Variants in PDGFB observed in about 807,000 individuals in gnomAD.
PDGFB encodes the protein platelet-derived growth factor subunit B.
PDGFB carries 6 observed loss-of-function variants against 29.0 expected under a neutral mutation model. That is an observed-to-expected ratio of 0.21 (90% CI 0.11 to 0.41). PDGFB has a LOEUF of 0.41. Among genes scored for constraint, PDGFB ranks in the 10% least tolerant of loss-of-function variants. PDGFB has a pLI of 1.00. For missense variants in PDGFB, 299 were observed against 341.8 expected (o/e 0.87, Z 0.99); for synonymous variants, 144 against 140.8 (o/e 1.02, Z -0.16).
chr22:39,233,345 CG>C, intron 3 of PDGFB, 89 bp downstream of exon 3: 1 of 898,376 alleles, frequency 1.1e-6, no homozygotes, highest in Non-Finnish European at 1.7e-6. Flanking sequence ...AGAGGACCCT[CG>C]GGGCCCTCCG....
At position 39,244,411 on chromosome 22, in the gene PDGFB, G is replaced by C. The variant is rs1932644934; in HGVS notation, c.-448C>G. ...CTTAGCTTTTTTGCAACATTTTCTG[G>C]AAAGGCCCCCAAAATCGGAAAGCGC... On this transcript the variant is annotated 5_prime_UTR_variant, in exon 1 of 7. Transcript: ENST00000331163. This position sits in a 1 kb window ranked among gnomAD's most constrained non-coding sequence, Gnocchi z 4.5. 1 of 185,964 alleles carries C rather than the reference G, an allele frequency of 5.4e-6. No individual in the cohort carries two copies. The highest frequency in any genetic ancestry group is 6.2e-5 in the Admixed American group (1 of 16,084). The allele number at this position is 185,964 out of a possible 1,614,324, so 11.5% of individuals were successfully genotyped here. A position where few individuals can be genotyped will look rare whatever the true frequency, so the allele number is the denominator to read the frequency against.
chr22:39,225,507 T>C (rs1413553354), intron 6 of PDGFB, among the ~76,000 whole-genome samples, 188 bp downstream of exon 6: 3 of 152,012 alleles, frequency 2.0e-5, no homozygotes, highest in Non-Finnish European at 2.9e-5. Flanking sequence ...TAGGGCATGC[T>C]GGGACACAGC....
At chr22:39,236,019 TG>T in intron 1 of PDGFB, 145 bp from the exon 2 acceptor site, 2 of 634,240 alleles carry the variant, frequency 3.2e-6, no homozygotes, top group Non-Finnish European at 5.5e-6. Flanking sequence ...CCAGGCCTGA[TG>T]ATCAGGAGCA....
At chr22:39,230,302 G>C in intron 4 of PDGFB, 74 bp from the exon 5 acceptor site, 2 of 1,485,066 alleles carry the variant, frequency 1.3e-6, no homozygotes, top group East Asian at 2.3e-5. Context: ...AATGGCTTGC[G>C]CTTCCCACCC....
chr22:39,244,007 C>G lies in PDGFB; in HGVS notation c.-44G>C, dbSNP rs765594215. 2.1e-4 allele frequency: 260 copies of G among 1,265,434 alleles called. No individual in the cohort carries two copies. Among genetic ancestry groups the G allele is most frequent in the Non-Finnish European group, 2.7e-4 (251 of 934,166 alleles). 78.4% of individuals were successfully genotyped at this position (1,265,434 alleles called of 1,614,324 possible). ...CCCGCGGGGCCCCGGACGCGTAGAT[C>G]GAGCGCGCCGCCCCCGCGGCCAGGG... On this transcript the variant is annotated 5_prime_UTR_variant, in exon 1 of 7. Transcript: ENST00000331163. This position sits in a 1 kb window ranked among gnomAD's most constrained non-coding sequence, Gnocchi z 4.5.
Position 39,231,876 on chromosome 22 carries a change from C to G in PDGFB, c.251-49G>C, listed in dbSNP as rs1255186206. ...CAGGAGCGTAGGCCTGTCCAGAGTC[C>G]CCCCACTTGGCAGGGGAGCTCAGCG... On this transcript the variant is annotated intron_variant, in intron 3 of 6. Transcript: ENST00000331163. This position sits in a 1 kb window ranked among gnomAD's most constrained non-coding sequence, Gnocchi z 4.3. 6.5e-7 allele frequency: 1 copy of G among 1,533,744 alleles called. No homozygotes were observed. Among genetic ancestry groups the G allele is most frequent in the Non-Finnish European group, 8.9e-7 (1 of 1,125,026 alleles).
chr22:39,235,695 G>C, intron 2 of PDGFB, 83 bp downstream of exon 2: 1 of 950,898 alleles, frequency 1.1e-6, no homozygotes, highest in Non-Finnish European at 1.7e-6. Flanking sequence ...CGTCAAGAAG[G>C]AGGGATGCCT....
chr22:39,230,313 C>A (rs953612861), intron 4 of PDGFB, 85 bp from the exon 5 acceptor site: 2 of 1,376,990 alleles, frequency 1.5e-6, no homozygotes, highest in African/African-American at 2.8e-5. Context: ...CTTCCCACCC[C>A]GGTGTCCCCT....
At chr22:39,229,774 G>C (rs1601596512) in intron 5 of PDGFB, among the ~76,000 whole-genome samples, 1 of 152,166 alleles carries the variant, frequency 6.6e-6, no homozygotes, top group Non-Finnish European at 1.5e-5. Context: ...GTGTTCTTCA[G>C]CCACAGCAGT....
At chr22:39,237,734 G>A (rs1932479666) in intron 1 of PDGFB, among the ~76,000 whole-genome samples, 2 of 152,240 alleles carry the variant, frequency 1.3e-5, no homozygotes, top group South Asian at 4.1e-4. Flanking sequence ...GAACTGGCAG[G>A]CCAGAGAGCT....
intron 5 of PDGFB, among the ~76,000 whole-genome samples, chr22:39,228,893 A>AAAAAAAAAAAAAATAT (rs1184799325): frequency 2.0e-3 from 263 of 132,582 alleles, no homozygotes; most frequent in East Asian, 5.5e-3. Context: ...CCTCAAAAAA[A>AAAAAAAAAAAAAATAT]ATATATATAT....
At chr22:39,240,897 T>A (rs1932552674) in intron 1 of PDGFB, 1 of 1,421,772 alleles carries the variant, frequency 7.0e-7, no homozygotes. Flanking sequence ...TCAGTCAGTC[T>A]CTCTCTCTCT....
In PDGFB at chr22:39,244,732, G is replaced by GGCTGCGA. The variant is rs71326753; in HGVS notation, c.-776_-770dup. On this transcript the variant is annotated 5_prime_UTR_variant, in exon 1 of 7. Coordinates refer to ENST00000331163, the MANE Select transcript of PDGFB (RefSeq NM_002608.4). This position sits in a 1 kb window ranked among gnomAD's most constrained non-coding sequence, Gnocchi z 4.5. ...CTCTGGGCGTCCTCTGCGGGCTGCG[G>GGCTGCGA]GCTGCGAGCTGCGAGCTGCGAGCTG... 106 of 187,232 alleles carry GGCTGCGA rather than the reference G, an allele frequency of 5.7e-4. 1 individual carries two copies. The highest frequency in any genetic ancestry group is 5.4e-3 in the South Asian group (28 of 5,144). 11.6% of individuals were successfully genotyped at this position (187,232 alleles called of 1,614,324 possible). A position where few individuals can be genotyped will look rare whatever the true frequency, so the allele number is the denominator to read the frequency against.
intron 4 of PDGFB, among the ~76,000 whole-genome samples, chr22:39,230,730 C>A (rs1361289019): frequency 6.6e-6 from 1 of 152,148 alleles, no homozygotes; most frequent in Non-Finnish European, 1.5e-5. Flanking sequence ...TAGTCTCAGG[C>A]GTGGGGCCCA....
At chr22:39,237,391 C>CA (rs1269811398) in intron 1 of PDGFB, among the ~76,000 whole-genome samples, 4 of 152,132 alleles carry the variant, frequency 2.6e-5, no homozygotes, top group African/African-American at 9.7e-5. Context: ...CAACTCCGCC[C>CA]AATGTCTAAG....
In PDGFB at chr22:39,243,978, C is replaced by A. The variant is rs1382274543; in HGVS notation, c.-15G>T. On this transcript the variant is annotated 5_prime_UTR_variant, in exon 1 of 7. Coordinates refer to ENST00000331163, the MANE Select transcript of PDGFB (RefSeq NM_002608.4). This position sits in a 1 kb window ranked among gnomAD's most constrained non-coding sequence, Gnocchi z 6.4. ...CAGCGATTCATGCCGACTCCGGGCC[C>A]GGCCCCGCGGGGCCCCGGACGCGTA... 2 of 1,519,670 alleles carry A rather than the reference C, an allele frequency of 1.3e-6. No homozygotes were observed. Among genetic ancestry groups the A allele is most frequent in the Non-Finnish European group, 1.8e-6 (2 of 1,124,448 alleles). The allele number at this position is 1,519,670 out of a possible 1,614,324, so 94.1% of individuals were successfully genotyped here.
In PDGFB at chr22:39,243,020, C is replaced by T. The variant is rs1400515137; in HGVS notation, c.63+881G>A. 1 of 232,986 alleles carries T rather than the reference C, an allele frequency of 4.3e-6. No individual in the cohort carries two copies. Among genetic ancestry groups the T allele is most frequent in the African/African-American group, 2.2e-5 (1 of 45,320 alleles). 14.4% of individuals were successfully genotyped at this position (232,986 alleles called of 1,614,324 possible). ...CAGCGCTCCCTCAGATGTTTTTATA[C>T]CCCATCTCCCGTGCAGCTAGGCTTT... On this transcript the variant is annotated intron_variant, in intron 1 of 6. Transcript: ENST00000331163. The surrounding 1 kb of genome is among the most constrained non-coding windows in gnomAD (Gnocchi z 6.4).
Position 39,243,888 on chromosome 22 carries a change from C to G in PDGFB, c.63+13G>C, listed in dbSNP as rs1399037450. ...TGAATGAAGAACCAGCCCCAGCCGC[C>G]GTGGCAACTCACCTCGGCGCTGACC... is the stretch of plus-strand genomic sequence containing the variant. On this transcript the variant is annotated intron_variant, in intron 1 of 6. Coordinates refer to ENST00000331163, the MANE Select transcript of PDGFB (RefSeq NM_002608.4). This position sits in a 1 kb window ranked among gnomAD's most constrained non-coding sequence, Gnocchi z 6.4. The G allele has an allele frequency of 4.4e-6, 7 of 1,596,556 alleles. No homozygotes were observed. In the African/African-American group the frequency reaches 8.1e-5, roughly 18 times the overall value.
Position 39,235,866 on chromosome 22 carries a change from G to T in PDGFB, c.72C>A (p.Pro24=). ...GCATCTCATAAAGCTCCTCGGGAAT[G>T]GGGTCCCCCTGCCGGGCAGACACCA... The part of the protein sequence containing the change: ...YLRLVSAEGD[P]IPEELYEMLS... The change falls in exon 2 of 7, where the codon CCC becomes CCA. Residue 24 remains proline, a synonymous_variant. Transcript: ENST00000331163. 2 of 1,613,010 alleles carry T rather than the reference G, an allele frequency of 1.2e-6. No homozygotes were observed. Among genetic ancestry groups the T allele is most frequent in the Non-Finnish European group, 8.5e-7 (1 of 1,179,324 alleles).
Sources: allele counts gnomAD v4.1 joint callset (sites outside exome capture counted in the v4.1 genomes callset), GRCh38; gene constraint gnomAD v4.1.1; non-coding constraint Gnocchi (gnomAD v3.1); transcripts MANE v1.5; gene names NCBI Gene and HGNC (gene_info 2026-07-23, HGNC 2026-07-21).